Variants in CTNNA2 observed in about 807,000 individuals in gnomAD.
The protein encoded by CTNNA2 is catenin alpha-2.
CTNNA2 carries 42 observed loss-of-function variants against 101.0 expected under a neutral mutation model. The observed-to-expected ratio is 0.42, with a 90% CI of 0.32 to 0.54. CTNNA2 has a LOEUF of 0.54. CTNNA2 is among the 20% of genes least tolerant of loss of function. The probability of loss-of-function intolerance (pLI) is 0.14; values close to 1 mark genes in which losing one functional copy is unlikely to be tolerated. For missense variants in CTNNA2, 871 were observed against 1,223.1 expected (o/e 0.71, Z 4.29); for synonymous variants, 450 against 456.4 (o/e 0.99, Z 0.18).
chr2:79,302,866 T>C (rs1676146007), intron 2 of CTNNA2, among the ~76,000 whole-genome samples: 1 of 152,220 alleles, frequency 6.6e-6, no homozygotes, highest in Non-Finnish European at 1.5e-5. Context: ...CAGATTTACT[T>C]GACCAATTTA....
chr2:80,234,396 C>G (rs746528389), intron 7 of CTNNA2, among the ~76,000 whole-genome samples: 1 of 152,162 alleles, frequency 6.6e-6, no homozygotes, highest in Non-Finnish European at 1.5e-5. Context: ...TTTCCCCCAC[C>G]CTAACACCTC....
At chr2:80,493,594 T>G (rs957682708) in intron 9 of CTNNA2, among the ~76,000 whole-genome samples, 4 of 152,220 alleles carry the variant, frequency 2.6e-5, no homozygotes, top group Non-Finnish European at 5.9e-5. Flanking sequence ...TGAATCCATT[T>G]GGGTTCCTAA....
chr2:80,215,152 A>C (rs911283936), intron 7 of CTNNA2, among the ~76,000 whole-genome samples: 33 of 151,838 alleles, frequency 2.2e-4, no homozygotes, highest in African/African-American at 7.0e-4. Flanking sequence ...CTAGTTAGCC[A>C]TTTGTCTAGT....
At chr2:80,224,453 A>AT (rs1708755270) in intron 7 of CTNNA2, among the ~76,000 whole-genome samples, 1 of 151,406 alleles carries the variant, frequency 6.6e-6, no homozygotes, top group South Asian at 2.1e-4. Context: ...TTTTATTTTT[A>AT]TTTTATTTTG....
chr2:79,527,767 AAGTT>A (rs1453582282), intron 1 of CTNNA2, among the ~76,000 whole-genome samples: 1 of 152,172 alleles, frequency 6.6e-6, no homozygotes, highest in Non-Finnish European at 1.5e-5. Flanking sequence ...GTTTCTCAAA[AAGTT>A]AAATATAAAA....
At chr2:79,525,786 C>T (rs1672370661) in intron 1 of CTNNA2, among the ~76,000 whole-genome samples, 1 of 151,872 alleles carries the variant, frequency 6.6e-6, no homozygotes, top group Non-Finnish European at 1.5e-5. Context: ...ATCACTGAAT[C>T]TAGTTTAAAA....
intron 6 of CTNNA2, among the ~76,000 whole-genome samples, chr2:79,894,621 G>A (rs1009765270): frequency 5.9e-5 from 9 of 151,996 alleles, no homozygotes; most frequent in Admixed American, 5.9e-4. Context: ...TCCTCTGTCT[G>A]TTCCTTCCTT....
At chr2:80,107,778 C>A (rs936906959) in intron 7 of CTNNA2, among the ~76,000 whole-genome samples, 2 of 152,218 alleles carry the variant, frequency 1.3e-5, no homozygotes, top group African/African-American at 4.8e-5. Context: ...CTGTAACACA[C>A]CCTCTGGGGT....
chr2:80,445,885 C>G (rs998701396), intron 9 of CTNNA2, among the ~76,000 whole-genome samples: 30 of 152,140 alleles, frequency 2.0e-4, no homozygotes, highest in Non-Finnish European at 4.1e-4. Flanking sequence ...GCCCTAGTTT[C>G]AAAGCCTGGC....
chr2:79,835,338 T>A (rs1192970271), intron 3 of CTNNA2, among the ~76,000 whole-genome samples: 1 of 152,182 alleles, frequency 6.6e-6, no homozygotes, highest in East Asian at 1.9e-4. Flanking sequence ...ATATTTTAAA[T>A]AGCAATGAAA....
chr2:79,563,161 GTATATATATA>G (rs71385287), intron 1 of CTNNA2, among the ~76,000 whole-genome samples: 1 of 78,620 alleles, frequency 1.3e-5, no homozygotes, highest in African/African-American at 4.7e-5. Flanking sequence ...ATAAAGATGT[GTATATATATA>G]TATATATATA....
chr2:79,521,107 GATATAT>G (rs59797728), intron 1 of CTNNA2, among the ~76,000 whole-genome samples: 88 of 105,216 alleles, frequency 8.4e-4, no homozygotes, highest in Admixed American at 1.0e-3. Context: ...CAAAGCTGCT[GATATAT>G]ATATATATAT....
chr2:80,505,958 G>A (rs1688246370), intron 9 of CTNNA2, among the ~76,000 whole-genome samples: 1 of 152,182 alleles, frequency 6.6e-6, no homozygotes. Context: ...ATTTTCATCA[G>A]CTAGGCAATT....
intron 1 of CTNNA2, among the ~76,000 whole-genome samples, chr2:79,548,310 T>G (rs1673868724): frequency 6.6e-6 from 1 of 152,244 alleles, no homozygotes; most frequent in South Asian, 2.1e-4. Flanking sequence ...CACTTTGTTT[T>G]GTGTGAATGT....
chr2:79,398,054 C>G (rs985150874), intron 4 of CTNNA2, among the ~76,000 whole-genome samples: 2 of 152,102 alleles, frequency 1.3e-5, no homozygotes, highest in African/African-American at 2.4e-5. Flanking sequence ...TTAAAATTCT[C>G]TTGGCTCTAA....
At chr2:79,566,490 AG>A (rs1444282818) in intron 1 of CTNNA2, among the ~76,000 whole-genome samples, 1 of 152,180 alleles carries the variant, frequency 6.6e-6, no homozygotes, top group Non-Finnish European at 1.5e-5. Context: ...TATTATTTTC[AG>A]GGAAGTCAAA....
intron 2 of CTNNA2, among the ~76,000 whole-genome samples, chr2:79,682,757 A>G (rs1683668301): frequency 6.6e-6 from 1 of 152,182 alleles, no homozygotes; most frequent in Non-Finnish European, 1.5e-5. Flanking sequence ...TGTAAGTAAA[A>G]TAGATACATA....
intron 9 of CTNNA2, among the ~76,000 whole-genome samples, chr2:80,463,615 CAA>C (rs1361882162): frequency 6.6e-6 from 1 of 152,112 alleles, no homozygotes; most frequent in Non-Finnish European, 1.5e-5. Context: ...TTTGGGGTAA[CAA>C]GAGGAATGAG....
At chr2:79,586,766 C>G (rs150532737) in intron 1 of CTNNA2, among the ~76,000 whole-genome samples, 267 of 152,226 alleles carry the variant, frequency 1.8e-3, no homozygotes, top group African/African-American at 6.0e-3. Context: ...TTGGTACACA[C>G]ATCACCTGAG....
Sources: allele counts gnomAD v4.1 joint callset (sites outside exome capture counted in the v4.1 genomes callset), GRCh38; gene constraint gnomAD v4.1.1; transcripts MANE v1.5; gene names NCBI Gene and HGNC (gene_info 2026-07-23, HGNC 2026-07-21).